Variants in UTY observed in about 807,000 individuals in gnomAD.
The protein encoded by UTY is histone demethylase UTY.
Under a neutral mutation model 32.5 loss-of-function variants are expected in UTY, and 12 were observed. The ratio of observed to expected loss-of-function variants is 0.37; its 90% confidence interval spans 0.24 to 0.60. The LOEUF is 0.60. Ranked by LOEUF, UTY falls within the 20% of genes least tolerant of loss-of-function variation. The pLI, the probability that UTY is intolerant of heterozygous loss-of-function variation, is 0.69. For synonymous variants in UTY, 131 were observed against 103.4 expected (o/e 1.27, Z -1.62); for missense variants, 303 against 299.2 (o/e 1.01, Z -0.09).
chrY:13,394,939 TTTCCAGTAAG>T (rs2067971873), intron 7 of UTY, among the ~76,000 whole-genome samples: 1 of 33,094 alleles, frequency 3.0e-5, no homozygotes. Context: ...GCTCCACAGC[TTTCCAGTAAG>T]TTCCCCCATA....
rs2058128444 is a variant in UTY, at chrY:13,297,804, A to G, written c.3913T>C (p.Leu1305=). ...GGTACTGGTGACTTCACACTTTTCA[A>G]TTTGTTCCATTCATACCGTTCCACT... ...LAVERYEWNK[L]KSVKSPVPMV... Residue 1305 remains leucine (L), a synonymous_variant, in exon 27 of 30, where the codon TTG becomes CTG. Transcript: ENST00000545955. The G allele has an allele frequency of 2.5e-6, 1 of 396,150 alleles. No individual in the cohort carries two copies. Among genetic ancestry groups the G allele is most frequent in the Non-Finnish European group, 3.5e-6 (1 of 282,880 alleles).
intron 25 of UTY, among the ~76,000 whole-genome samples, chrY:13,299,706 T>C: frequency 3.0e-5 from 1 of 33,274 alleles, no homozygotes; most frequent in East Asian, 7.8e-4. Flanking sequence ...TGGGCTAGGG[T>C]CCTGAGAAAA....
At chrY:13,285,313 G>GA (rs2057291809) in intron 27 of UTY, among the ~76,000 whole-genome samples, 2 of 30,816 alleles carry the variant, frequency 6.5e-5, no homozygotes, top group African/African-American at 2.5e-4. Context: ...CAACCAGAGG[G>GA]AAAAAAAAAT....
chrY:13,430,184 G>A (rs2073845818), intron 4 of UTY, among the ~76,000 whole-genome samples: 1 of 33,534 alleles, frequency 3.0e-5, no homozygotes, highest in East Asian at 7.8e-4. Context: ...GTTTCTTCTT[G>A]TGCCATTGCC....
chrY:13,354,972 G>T, intron 17 of UTY, 31 bp downstream of exon 17: 1 of 395,281 alleles, frequency 2.5e-6, no homozygotes, highest in Non-Finnish European at 3.5e-6. Context: ...TACTATATAA[G>T]AGCCAAGAAA....
At chrY:13,357,843 C>T (rs757628833) in intron 15 of UTY, 34 bp downstream of exon 15, 4 of 354,437 alleles carry the variant, frequency 1.1e-5, no homozygotes, top group Non-Finnish European at 1.6e-5. Context: ...CTACTGCTTT[C>T]GAATTGGGGG....
At chrY:13,235,730 G>A in intron 28 of UTY, among the ~76,000 whole-genome samples, 1 of 33,255 alleles carries the variant, frequency 3.0e-5, no homozygotes, top group Non-Finnish European at 7.4e-5. Flanking sequence ...AAATATGCAG[G>A]CTATTAGCTG....
intron 21 of UTY, among the ~76,000 whole-genome samples, chrY:13,312,168 G>A (rs2059147642): frequency 3.0e-5 from 1 of 33,786 alleles, no homozygotes; most frequent in African/African-American, 1.1e-4. Flanking sequence ...CGAGGCGGGC[G>A]GATCACGAGG....
intron 17 of UTY, among the ~76,000 whole-genome samples, chrY:13,348,552 A>G (rs2062112065): frequency 8.7e-5 from 3 of 34,331 alleles, no homozygotes; most frequent in African/African-American, 3.4e-4. Context: ...AAAAGCTGGT[A>G]GATTGTACAA....
chrY:13,305,940 T>C, intron 23 of UTY, 98 bp downstream of exon 23: 2 of 242,776 alleles, frequency 8.2e-6, no homozygotes, highest in South Asian at 8.0e-5. Context: ...GAGAGATAAT[T>C]AGGAATAGAA....
chrY:13,464,393 T>C, intron 3 of UTY, among the ~76,000 whole-genome samples: 3 of 33,733 alleles, frequency 8.9e-5, no homozygotes, highest in Non-Finnish European at 2.2e-4. Flanking sequence ...ATGTGTCAAG[T>C]ATTCTAAACA....
intron 3 of UTY, among the ~76,000 whole-genome samples, chrY:13,449,808 TG>T (rs2076175567): frequency 3.1e-5 from 1 of 32,437 alleles, no homozygotes; most frequent in Non-Finnish European, 7.6e-5. Context: ...AAAAATAAAT[TG>T]AAAAAAATGA....
intron 27 of UTY, among the ~76,000 whole-genome samples, chrY:13,297,021 T>C (rs2058066695): frequency 2.9e-5 from 1 of 34,026 alleles, no homozygotes; most frequent in African/African-American, 1.1e-4. Context: ...CAAAAAGTGG[T>C]ATCCCATTTT....
intron 2 of UTY, among the ~76,000 whole-genome samples, chrY:13,470,915 T>C (rs2078429045): frequency 6.0e-5 from 2 of 33,509 alleles, no homozygotes; most frequent in East Asian, 1.5e-3. Flanking sequence ...ACATTTGGAA[T>C]GTGGAGAGCA....
At chrY:13,445,779 T>C (rs1007208177) in intron 4 of UTY, among the ~76,000 whole-genome samples, 1 of 32,769 alleles carries the variant, frequency 3.1e-5, no homozygotes, top group Non-Finnish European at 7.5e-5. Flanking sequence ...CTGGTTTTTT[T>C]CAAGGGAAAT....
chrY:13,447,240 T>G, intron 4 of UTY, among the ~76,000 whole-genome samples: 2 of 32,897 alleles, frequency 6.1e-5, no homozygotes, highest in Non-Finnish European at 1.5e-4. Flanking sequence ...TTTCTCTTCT[T>G]GTGTTAGCTT....
chrY:13,334,085 G>A (rs2060882099), intron 18 of UTY, among the ~76,000 whole-genome samples: 1 of 33,481 alleles, frequency 3.0e-5, no homozygotes, highest in African/African-American at 1.2e-4. Context: ...TGTGTATGAC[G>A]CACTGCCTCC....
At chrY:13,448,032 A>G in intron 4 of UTY, among the ~76,000 whole-genome samples, 1 of 33,840 alleles carries the variant, frequency 3.0e-5, no homozygotes, top group Non-Finnish European at 7.4e-5. Flanking sequence ...GTTTGACAAG[A>G]TAGTAACTTT....
At chrY:13,329,666 A>G (rs2060537831) in intron 18 of UTY, among the ~76,000 whole-genome samples, 1 of 33,983 alleles carries the variant, frequency 2.9e-5, no homozygotes, top group African/African-American at 1.1e-4. Context: ...ACCGTATAGT[A>G]TGTGAATTAT....
Sources: gnomAD v4.1 joint callset for allele counts (sites outside exome capture counted in the v4.1 genomes callset) on GRCh38, gnomAD v4.1.1 for gene constraint, MANE v1.5 for transcripts, NCBI Gene and HGNC (gene_info 2026-07-23, HGNC 2026-07-21) for gene names.